The following TMTC4 variants were observed in gnomAD, a reference collection of about 807,000 sequenced individuals.
The protein encoded by TMTC4 is protein O-mannosyl-transferase TMTC4.
TMTC4 carries 65 observed loss-of-function variants against 86.0 expected under a neutral mutation model. The observed-to-expected ratio is 0.76, with a 90% CI of 0.62 to 0.93. The LOEUF (loss-of-function observed/expected upper bound fraction) is 0.93, where lower values mean the gene tolerates loss of function less well. Ranked by LOEUF, TMTC4 falls within the 40% of genes least tolerant of loss-of-function variation. The pLI is 0.00. For missense variants in TMTC4, 866 were observed against 948.1 expected, an observed-to-expected ratio of 0.91 and a Z score of 1.14; for synonymous variants, 379 against 382.5, an observed-to-expected ratio of 0.99 and a Z score of 0.11.
intron 6 of TMTC4, among the ~76,000 whole-genome samples, chr13:100,655,307 G>A (rs532973523): frequency 1.1e-3 from 170 of 152,292 alleles, no homozygotes; most frequent in African/African-American, 4.0e-3. Context: ...ACAGGCGTAA[G>A]CCACCGCACC....
At chr13:100,672,594 G>C (rs776982975) in intron 1 of TMTC4, among the ~76,000 whole-genome samples, 1 of 152,046 alleles carries the variant, frequency 6.6e-6, no homozygotes, top group African/African-American at 2.4e-5. Flanking sequence ...GGGCTCAAGG[G>C]ACCCTTCCAC....
intron 7 of TMTC4, among the ~76,000 whole-genome samples, chr13:100,639,949 A>C (rs1566606213): frequency 6.6e-6 from 1 of 152,020 alleles, no homozygotes; most frequent in Non-Finnish European, 1.5e-5. Flanking sequence ...GAATAAAAAT[A>C]AAAATAAAAT....
Position 100,605,261 on chromosome 13 carries a change from T to C in TMTC4, c.2135-119A>G, listed in dbSNP as rs1876405550. ...GCAAACAGTTTTCAAAAGTCAATTGTATGAAACAATATTGTTTGTACTGAA... is the reference window on the plus strand; with the variant it reads ...GCAAACAGTTTTCAAAAGTCAATTGCATGAAACAATATTGTTTGTACTGAA... On this transcript the variant is annotated intron_variant, in intron 18 of 18. Coordinates refer to ENST00000342624, the MANE Select transcript of TMTC4 (RefSeq NM_032813.5). The surrounding 1 kb of genome is among the most constrained non-coding windows in gnomAD (Gnocchi z 4.3). 4 of 1,153,546 alleles carry C rather than the reference T, an allele frequency of 3.5e-6. No individual in the cohort carries two copies. The East Asian group carries it at 9.8e-5, about 28-fold the overall frequency. The allele number at this position is 1,153,546 out of a possible 1,614,324, so 71.5% of individuals were successfully genotyped here. A position where few individuals can be genotyped will look rare whatever the true frequency, so the allele number is the denominator to read the frequency against.
At chr13:100,612,899 T>C (rs1877870839) in intron 16 of TMTC4, among the ~76,000 whole-genome samples, 1 of 152,230 alleles carries the variant, frequency 6.6e-6, no homozygotes, top group Non-Finnish European at 1.5e-5. Context: ...GTATACATTC[T>C]ATATTTTCCC....
chr13:100,634,036 G>A (rs1448222458), intron 12 of TMTC4, among the ~76,000 whole-genome samples: 2 of 152,048 alleles, frequency 1.3e-5, no homozygotes, highest in Non-Finnish European at 1.5e-5. Flanking sequence ...CTACTCAGGA[G>A]GCTGAGGCCG....
chr13:100,666,763 T>C (rs1428844342), intron 3 of TMTC4, among the ~76,000 whole-genome samples: 2 of 152,174 alleles, frequency 1.3e-5, no homozygotes, highest in Non-Finnish European at 1.5e-5. Flanking sequence ...GAGGCCAAGG[T>C]GGGAGCATCG....
chr13:100,624,680 A>G (rs1490924130), intron 15 of TMTC4, among the ~76,000 whole-genome samples: 12 of 152,370 alleles, frequency 7.9e-5, no homozygotes, highest in Non-Finnish European at 1.6e-4. Context: ...TCCTACCTGT[A>G]AGGCTAAGCT....
At chr13:100,649,286 G>T (rs1178823427) in intron 6 of TMTC4, among the ~76,000 whole-genome samples, 2 of 152,156 alleles carry the variant, frequency 1.3e-5, no homozygotes, top group Non-Finnish European at 2.9e-5. Flanking sequence ...CTGGAAATAT[G>T]ACCTGCTCCA....
At chr13:100,673,389 C>G in intron 1 of TMTC4, 2 of 983,134 alleles carry the variant, frequency 2.0e-6, no homozygotes, top group Non-Finnish European at 2.4e-6. Flanking sequence ...CAGGGGCCTG[C>G]TGACCTCTGC....
chr13:100,619,166 G>A (rs950887833), intron 15 of TMTC4, among the ~76,000 whole-genome samples: 1 of 148,364 alleles, frequency 6.7e-6, no homozygotes, highest in African/African-American at 2.5e-5. Context: ...GCCGGGCGGG[G>A]GGCTGACCCC....
At chr13:100,621,734 A>G (rs1021295592) in intron 15 of TMTC4, among the ~76,000 whole-genome samples, 7 of 152,202 alleles carry the variant, frequency 4.6e-5, no homozygotes, top group African/African-American at 1.7e-4. Context: ...CAAAAGAAGA[A>G]TTCTTATGAA....
intron 12 of TMTC4, among the ~76,000 whole-genome samples, chr13:100,628,489 G>A (rs1291799875): frequency 1.3e-5 from 2 of 152,002 alleles, no homozygotes; most frequent in East Asian, 3.9e-4. Context: ...CTCTGCTTTC[G>A]GTCCTTTTGG....
chr13:100,630,027 ATGTGTG>A (rs71121125), intron 12 of TMTC4, among the ~76,000 whole-genome samples: 940 of 46,098 alleles, frequency 0.02, 13 homozygotes, highest in African/African-American at 0.035. Context: ...ATCTGTGTGT[ATGTGTG>A]TGTGTGTGTG....
intron 6 of TMTC4, among the ~76,000 whole-genome samples, chr13:100,644,260 T>C (rs559018470): frequency 2.2e-4 from 33 of 152,036 alleles, no homozygotes; most frequent in African/African-American, 6.0e-4. Context: ...CCCGCCACCA[T>C]GCCCAGCTAA....
intron 12 of TMTC4, among the ~76,000 whole-genome samples, chr13:100,629,365 C>A (rs189079548): frequency 3.9e-4 from 59 of 152,210 alleles, no homozygotes; most frequent in African/African-American, 1.4e-3. Flanking sequence ...GTGGCACCCA[C>A]CAGCTGGGAG....
rs1566629905 is a variant in TMTC4 at position 100,656,435 on chromosome 13, A to C, written c.586T>G (p.Cys196Gly). The C allele has an allele frequency of 6.2e-7, 1 of 1,613,042 alleles. No individual in the cohort carries two copies. Among genetic ancestry groups the C allele is most frequent in the East Asian group, 2.2e-5 (1 of 44,826 alleles). ...AAAGATAACAAGAAGAACAGGGCAC[A>C]CAGGAGGTCTGCACGGCCGACAACA... ...AGVVGRADLL[C>G]ALFFLLSFLG... The change falls in exon 6 of 19, where the codon TGT becomes GGT. Residue 196 changes from cysteine (C) to glycine (G), a missense_variant. Cys to Gly is a radical substitution (Grantham distance 159, BLOSUM62 -3). Coordinates refer to ENST00000342624, the MANE Select transcript of TMTC4 (RefSeq NM_032813.5).
Position 100,626,084 on chromosome 13 carries a change from G to A in TMTC4, c.1573C>T (p.Arg525Trp), listed in dbSNP as rs767691450. ...TACTCGCCATACCTTACAGCTTCCC[G>A]GTAGTATCTGATGGCAGCTGTCTGG... ...GNQTAAIRYY[R>W]EAVRLNPKYV... The change falls in exon 13 of 19, where the codon CGG becomes TGG. Residue 525 changes from arginine to tryptophan, a missense_variant. Physicochemically the swap from Arg to Trp is moderately radical, Grantham distance 101. Coordinates refer to ENST00000342624, the MANE Select transcript of TMTC4 (RefSeq NM_032813.5). The A allele has an allele frequency of 1.5e-5, 25 of 1,614,034 alleles. No homozygotes were observed. The highest frequency in any genetic ancestry group is 1.6e-4 in the Middle Eastern group (1 of 6,084).
intron 9 of TMTC4, among the ~76,000 whole-genome samples, chr13:100,637,077 G>A (rs925488153): frequency 6.6e-5 from 10 of 152,078 alleles, no homozygotes; most frequent in Non-Finnish European, 1.5e-4. Context: ...AACAGGCTTC[G>A]ATGGCTGTTC....
At position 100,625,836 on chromosome 13, in the gene TMTC4, C is replaced by G; in HGVS notation, c.1643G>C (p.Arg548Thr). ...CTCCTCAGCTTCCTGTAGCTCATTCCTTTCTTTTAAGATATTTCCAAGATT... is the reference window on the plus strand; with the variant it reads ...CTCCTCAGCTTCCTGTAGCTCATTCGTTTCTTTTAAGATATTTCCAAGATT... ...MNNLGNILKE[R>T]NELQEAEELL... The change falls in exon 14 of 19, where the codon AGG becomes ACG. Residue 548 changes from arginine (R) to threonine (T), a missense_variant. Coordinates refer to ENST00000342624, the MANE Select transcript of TMTC4 (RefSeq NM_032813.5). 1 of 1,613,792 alleles carries G rather than the reference C, an allele frequency of 6.2e-7. No individual in the cohort carries two copies. Among genetic ancestry groups the G allele is most frequent in the Non-Finnish European group, 8.5e-7 (1 of 1,179,998 alleles).
Sources: gnomAD v4.1 joint callset for allele counts (sites outside exome capture counted in the v4.1 genomes callset) on GRCh38, gnomAD v4.1.1 for gene constraint, Gnocchi (gnomAD v3.1) non-coding constraint, MANE v1.5 for transcripts, NCBI Gene and HGNC (gene_info 2026-07-23, HGNC 2026-07-21) for gene names.